Variants in PPRC1 observed in about 807,000 individuals in gnomAD.
PPRC1 encodes PPARG related coactivator 1.
PPRC1 carries 23 observed loss-of-function variants against 132.5 expected under a neutral mutation model. The ratio of observed to expected loss-of-function variants is 0.17; its 90% CI spans 0.12 to 0.25. The LOEUF (loss-of-function observed/expected upper bound fraction) is 0.25. PPRC1 is among the 10% of genes least tolerant of loss of function. The pLI, the probability that PPRC1 is intolerant of heterozygous loss-of-function variation, is 1.00. For synonymous variants in PPRC1, 872 were observed against 833.5 expected (o/e 1.05, Z -0.80); for missense variants, 2,006 against 2,089.1 (o/e 0.96, Z 0.78).
chr10:102,141,915 A>G lies in PPRC1; in HGVS notation c.3407A>G (p.His1136Arg), dbSNP rs745457333. 15 of 1,613,916 alleles carry G rather than the reference A, an allele frequency of 9.3e-6. No individual in the cohort carries two copies. The highest frequency in any genetic ancestry group is 4.0e-5 in the African/African-American group (3 of 74,886). The change falls in exon 5 of 14, where the codon CAC becomes CGC. Residue 1136 changes from histidine to arginine, a missense_variant. His to Arg is a conservative substitution (Grantham distance 29). Around this residue, in one of 2 missense-constraint regions of PPRC1, gnomAD observed 1,914 missense variants for 1,917.2 expected, o/e 1.00. Transcript: ENST00000278070. ...ACTGTCCCCAAGCTGCCTGCTGTCC[A>G]CCCAGCCCGTCTAAGGAAGCTGTCC... ...QSTVPKLPAV[H>R]PARLRKLSFL... is the part of the protein sequence containing the mutation.
chr10:102,137,846 C>A lies in PPRC1; in HGVS notation c.154-4C>A. The stretch of plus-strand genomic sequence containing the variant: ...TACCCTTCTCACCTTCTTCTCTGCT[C>A]CAGGTGCTGCTGCATGAGGAGGCGG... On this transcript the variant is annotated splice_region_variant and splice_polypyrimidine_tract_variant and intron_variant, in intron 1 of 13. Transcript: ENST00000278070. The A allele has an allele frequency of 6.2e-7, 1 of 1,613,092 alleles. No individual in the cohort carries two copies. The highest frequency in any genetic ancestry group is 1.1e-5 in the South Asian group (1 of 90,954).
At chr10:102,136,431 T>C (rs1474158749) in intron 1 of PPRC1, among the ~76,000 whole-genome samples, 2 of 152,104 alleles carry the variant, frequency 1.3e-5, no homozygotes, top group Non-Finnish European at 2.9e-5. Context: ...TATGTGATCC[T>C]GTTCTCAGGC....
Position 102,147,170 on chromosome 10 carries a change from CT to C in PPRC1, c.4179del (p.Glu1394AsnfsTer146). 6.2e-7 allele frequency: 1 copy of C among 1,614,212 alleles called. No homozygotes were observed. The highest frequency in any genetic ancestry group is 8.5e-7 in the Non-Finnish European group (1 of 1,180,042). On this transcript the variant is annotated frameshift_variant, in exon 9 of 14. Coordinates refer to ENST00000278070, the MANE Select transcript of PPRC1 (RefSeq NM_015062.5). LOFTEE classifies it high-confidence loss of function. ...AATGACATGAACACTAGGACTCCCC[CT>C]GAACCCTCAGCCAAGCAGCGGTCAA... ...CRNDMNTRTP[P>X]EPSAKQRSMR...
chr10:102,122,787 T>C, the PPRC1 span, among the ~76,000 whole-genome samples: 2 of 152,110 alleles, frequency 1.3e-5, no homozygotes, highest in African/African-American at 2.4e-5. Flanking sequence ...ATGTGGAAGG[T>C]AGAAGCTTAG....
In PPRC1 at chr10:102,140,619, G is replaced by C. The variant is rs555405911; in HGVS notation, c.2111G>C (p.Gly704Ala). The C allele has an allele frequency of 6.2e-7, 1 of 1,614,042 alleles. No individual in the cohort carries two copies. The highest frequency in any genetic ancestry group is 8.5e-7 in the Non-Finnish European group (1 of 1,180,028). The change falls in exon 5 of 14, where the codon GGT becomes GCT. Residue 704 changes from glycine to alanine, a missense_variant. Transcript: ENST00000278070. ...GGTGCAGTGTCATCAGCCCTGGGGG[G>C]TTCAGCACCCCAGCTCCTCGTGGAG... is the stretch of plus-strand genomic sequence containing the variant. ...RRGAVSSALG[G>A]SAPQLLVESE...
At chr10:102,120,005 A>G in the PPRC1 span, 1 of 1,149,968 alleles carries the variant, frequency 8.7e-7, no homozygotes, top group Non-Finnish European at 1.2e-6. Flanking sequence ...CCCCCCACAC[A>G]AGTTCTCGCC....
Position 102,146,975 on chromosome 10 carries a change from A to G in PPRC1, c.3983A>G (p.Asp1328Gly). Residue 1328 changes from aspartate (D) to glycine (G), a missense_variant, in exon 9 of 14, where the codon GAC (aspartate) becomes GGC (glycine). This residue lies in a region of PPRC1 where 1,914 missense variants were observed against 1,917.2 expected (regional missense o/e 1.00). Coordinates refer to ENST00000278070, the MANE Select transcript of PPRC1 (RefSeq NM_015062.5). ...CGATGGAATGTCAAGCGCCATCAGG[A>G]CATCACCATCAAACCTGTCTTGTCC... is the stretch of plus-strand genomic sequence containing the variant. ...GSRWNVKRHQ[D>G]ITIKPVLSLG... 1.9e-6 allele frequency: 3 copies of G among 1,614,104 alleles called. No homozygotes were observed. The highest frequency in any genetic ancestry group is 1.7e-6 in the Non-Finnish European group (2 of 1,180,010).
chr10:102,145,116 C>T (rs2069164661), intron 8 of PPRC1, 26 bp downstream of exon 8: 1 of 1,587,988 alleles, frequency 6.3e-7, no homozygotes, highest in African/African-American at 1.3e-5. Flanking sequence ...GGAATTCTGC[C>T]TGTGATTAGT....
intron 7 of PPRC1, 42 bp downstream of exon 7, chr10:102,144,349 TCAG>T: frequency 6.3e-7 from 1 of 1,588,612 alleles, no homozygotes; most frequent in Non-Finnish European, 8.6e-7. Flanking sequence ...CAGCTGTTAG[TCAG>T]CAGCCGGCTG....
At chr10:102,120,724 T>C in the PPRC1 span, among the ~76,000 whole-genome samples, 1 of 152,012 alleles carries the variant, frequency 6.6e-6, no homozygotes, top group African/African-American at 2.4e-5. Context: ...AGGGGAGGGC[T>C]TGGAGGCGCA....
At chr10:102,120,720 G>A in the PPRC1 span, among the ~76,000 whole-genome samples, 1 of 152,192 alleles carries the variant, frequency 6.6e-6, no homozygotes, top group Non-Finnish European at 1.5e-5. Flanking sequence ...GCGAAGGGGA[G>A]GGCTTGGAGG....
At chr10:102,142,504 C>T (rs538782072) in intron 5 of PPRC1, among the ~76,000 whole-genome samples, 2 of 146,432 alleles carry the variant, frequency 1.4e-5, no homozygotes, top group East Asian at 2.0e-4. Flanking sequence ...CCGCAACCTC[C>T]GCCTCCCGGG....
At chr10:102,127,035 A>ATATATATATATATG in the PPRC1 span, among the ~76,000 whole-genome samples, 2 of 52,254 alleles carry the variant, frequency 3.8e-5, no homozygotes, top group African/African-American at 8.7e-5. Flanking sequence ...ATATATATAT[A>ATATATATATATATG]TATATATATA....
chr10:102,132,930 G>T, upstream of PPRC1: 2 of 1,179,320 alleles, frequency 1.7e-6, no homozygotes, highest in Non-Finnish European at 2.1e-6. Context: ...TTCTTCCAGG[G>T]TGCAAGTGGG....
At chr10:102,122,730 G>C in the PPRC1 span, among the ~76,000 whole-genome samples, 1 of 152,002 alleles carries the variant, frequency 6.6e-6, no homozygotes, top group African/African-American at 2.4e-5. Context: ...ACCCTATAAA[G>C]GTCTTTGCCT....
chr10:102,133,008 A>G, upstream of PPRC1: 1 of 1,235,992 alleles, frequency 8.1e-7, no homozygotes, highest in African/African-American at 1.6e-5. Context: ...TTCCTTTCCC[A>G]CAATCGGCTG....
chr10:102,131,144 A>C (rs2068534176), upstream of PPRC1, among the ~76,000 whole-genome samples: 2 of 150,310 alleles, frequency 1.3e-5, no homozygotes, highest in Admixed American at 1.3e-4. Context: ...GCAGTGAGCC[A>C]AGATCGCGCC....
In PPRC1 at chr10:102,141,713, A is replaced by T. The variant is rs1159731762; in HGVS notation, c.3205A>T (p.Lys1069Ter). Residue 1069 changes from lysine to a stop codon, truncating the protein, a stop_gained, in exon 5 of 14, where the codon AAG (lysine) becomes TAG (stop). Coordinates refer to ENST00000278070, the MANE Select transcript of PPRC1 (RefSeq NM_015062.5). LOFTEE classifies it high-confidence loss of function. Reference protein sequence around the residue: ...PVPASPHPKHKVSALVQSPQM... With the variant: ...PVPASPHPKH ...GCCTGCATCTCCCCATCCGAAACAC[A>T]AGGTGTCTGCCCTGGTGCAAAGTCC... 6.2e-7 allele frequency: 1 copy of T among 1,613,924 alleles called. No individual in the cohort carries two copies. The highest frequency in any genetic ancestry group is 8.5e-7 in the Non-Finnish European group (1 of 1,179,914).
intron 7 of PPRC1, 116 bp downstream of exon 7, chr10:102,144,423 T>C: frequency 1.0e-6 from 1 of 983,756 alleles, no homozygotes; most frequent in East Asian, 2.5e-5. Flanking sequence ...AGCTCTAGAG[T>C]CTTTCCCTGT....
Sources: allele counts gnomAD v4.1 joint callset (sites outside exome capture counted in the v4.1 genomes callset), GRCh38; gene constraint gnomAD v4.1.1; regional missense constraint gnomAD v4.1.1; transcripts MANE v1.5; gene names NCBI Gene and HGNC (gene_info 2026-07-23, HGNC 2026-07-21).